PLPP4: variants seen among roughly 807,000 people sequenced by gnomAD.
PLPP4 encodes diacylglycerol pyrophosphate like 2.
A neutral mutation model predicts 32.2 loss-of-function variants in PLPP4; 20 were observed. That is an observed-to-expected ratio of 0.62 (90% CI 0.44 to 0.90). PLPP4 has a LOEUF of 0.90. Among genes scored for constraint, PLPP4 ranks in the 40% least tolerant of loss-of-function variants. The pLI is 0.00. For missense variants in PLPP4, 257 were observed against 353.1 expected (o/e 0.73, Z 2.18); for synonymous variants, 127 against 133.0 (o/e 0.95, Z 0.31).
intron 5 of PLPP4, among the ~76,000 whole-genome samples, chr10:120,533,307 A>G (rs184607266): frequency 3.6e-4 from 55 of 152,252 alleles, no homozygotes; most frequent in African/African-American, 1.1e-3. Flanking sequence ...GGCCGTTTGT[A>G]TATCTTATCT....
intron 5 of PLPP4, among the ~76,000 whole-genome samples, chr10:120,561,993 A>C (rs895936030): frequency 1.3e-5 from 2 of 152,166 alleles, no homozygotes; most frequent in Non-Finnish European, 2.9e-5. Context: ...GTTCCATGAA[A>C]ACCCTTACTA....
chr10:120,591,155 G>A lies in PLPP4; in HGVS notation c.*1653G>A, dbSNP rs1849979910. 6.6e-6 allele frequency among the ~76,000 whole-genome samples: 1 copy of A among 152,134 alleles called. No individual in the cohort carries two copies. The highest frequency in any genetic ancestry group is 1.5e-5 in the Non-Finnish European group (1 of 68,020). ...CCTAAATGGTCAGCTTATCAGCCCTGGGCTGCGTGTGCAAGTTAGAAGCAT... is the reference window on the plus strand; with the variant it reads ...CCTAAATGGTCAGCTTATCAGCCCTAGGCTGCGTGTGCAAGTTAGAAGCAT... On this transcript the variant is annotated 3_prime_UTR_variant, in exon 7 of 7. Coordinates refer to ENST00000398250, the MANE Select transcript of PLPP4 (RefSeq NM_001030059.3).
chr10:120,503,010 A>G lies in PLPP4; in HGVS notation c.57-808A>G, dbSNP rs2463151. Among the ~76,000 whole-genome samples the G allele has an allele frequency of 7.2e-5, 11 of 152,116 alleles. No homozygotes were observed. The East Asian group carries it at 1.4e-3, about 19-fold the overall frequency. ...CTCCATGCCATCCATTTCCTCCCCAATCTGCTAGTCTCTCTTGTAGGGACA... is the reference window on the plus strand; with the variant it reads ...CTCCATGCCATCCATTTCCTCCCCAGTCTGCTAGTCTCTCTTGTAGGGACA... On this transcript the variant is annotated intron_variant, in intron 1 of 6. Transcript: ENST00000398250.
chr10:120,501,292 A>AAATT (rs1845235792), intron 1 of PLPP4, among the ~76,000 whole-genome samples: 1 of 129,676 alleles, frequency 7.7e-6, no homozygotes, highest in Non-Finnish European at 1.6e-5. Context: ...CTTCAAGCAA[A>AAATT]ATTTATTTCA....
Position 120,457,282 on chromosome 10 carries a change from CGCGGGAGCTGCTCCGGCCGCACCAT to C in PLPP4, c.-13_12del. On this transcript the variant is annotated start_lost and 5_prime_UTR_variant, in exon 1 of 7. Transcript: ENST00000398250. ...AGCCGCGGAGAGCACCAGCTGACGC[CGCGGGAGCTGCTCCGGCCGCACCAT>C]GCGGGAGCTGGCCATTGAGATCGGG... 6.7e-7 allele frequency: 1 copy of C among 1,481,686 alleles called. No individual in the cohort carries two copies. The highest frequency in any genetic ancestry group is 9.0e-7 in the Non-Finnish European group (1 of 1,110,588). The allele number at this position is 1,481,686 out of a possible 1,614,324, so 91.8% of individuals were successfully genotyped here.
Position 120,589,599 on chromosome 10 carries a change from C to A in PLPP4, c.*97C>A, listed in dbSNP as rs976077792. On this transcript the variant is annotated 3_prime_UTR_variant, in exon 7 of 7. Transcript: ENST00000398250. Reference sequence around the variant, plus strand: ...TGGTTTTCTGTAGTGTATTTTTCATCAGTTGTTTCTCAAAGTCATCGTACT... The same window carrying A: ...TGGTTTTCTGTAGTGTATTTTTCATAAGTTGTTTCTCAAAGTCATCGTACT... 8.4e-6 allele frequency: 8 copies of A among 954,110 alleles called. No individual in the cohort carries two copies. The highest frequency in any genetic ancestry group is 1.6e-5 in the African/African-American group (1 of 61,048). The allele number at this position is 954,110 out of a possible 1,614,324, so 59.1% of individuals were successfully genotyped here.
chr10:120,499,961 C>T (rs1350642433), intron 1 of PLPP4, among the ~76,000 whole-genome samples: 2 of 152,210 alleles, frequency 1.3e-5, no homozygotes, highest in African/African-American at 2.4e-5. Context: ...GTGCCCACCT[C>T]TGTCCCTGTT....
intron 5 of PLPP4, among the ~76,000 whole-genome samples, chr10:120,566,355 C>T (rs373603230): frequency 9.2e-5 from 14 of 152,080 alleles, no homozygotes; most frequent in African/African-American, 3.4e-4. Flanking sequence ...CTAACTACCC[C>T]AGGACCACTC....
chr10:120,587,823 T>G (rs958415067), intron 6 of PLPP4, among the ~76,000 whole-genome samples: 2 of 152,200 alleles, frequency 1.3e-5, no homozygotes, highest in East Asian at 3.9e-4. Flanking sequence ...CTGAAGTCTT[T>G]ATATAGTGCG....
intron 1 of PLPP4, among the ~76,000 whole-genome samples, chr10:120,493,945 G>T (rs1844838544): frequency 6.6e-6 from 1 of 152,116 alleles, no homozygotes; most frequent in Non-Finnish European, 1.5e-5. Context: ...AGGGTGGGGT[G>T]GTCCCTGGTA....
intron 5 of PLPP4, among the ~76,000 whole-genome samples, chr10:120,527,545 A>G (rs1361102225): frequency 6.6e-6 from 1 of 152,226 alleles, no homozygotes; most frequent in African/African-American, 2.4e-5. Context: ...GTTTGACTGA[A>G]CAACTGGCCA....
In PLPP4 at chr10:120,589,801, T is replaced by C. The variant is rs1589947178; in HGVS notation, c.*299T>C. The C allele has an allele frequency of 2.9e-6, 1 of 342,642 alleles. No homozygotes were observed. Among genetic ancestry groups the C allele is most frequent in the East Asian group, 5.4e-5 (1 of 18,456 alleles). 21.2% of individuals were successfully genotyped at this position (342,642 alleles called of 1,614,324 possible). A position where few individuals can be genotyped will look rare whatever the true frequency, so the allele number is the denominator to read the frequency against. On this transcript the variant is annotated 3_prime_UTR_variant, in exon 7 of 7. Coordinates refer to ENST00000398250, the MANE Select transcript of PLPP4 (RefSeq NM_001030059.3). ...GAAATGTTTGCTGTAACAGCCACCTTCCTATGTTTTCATGGTTGTAAAACA... is the reference window on the plus strand; with the variant it reads ...GAAATGTTTGCTGTAACAGCCACCTCCCTATGTTTTCATGGTTGTAAAACA...
chr10:120,460,858 G>C (rs1422687504), intron 1 of PLPP4, among the ~76,000 whole-genome samples: 3 of 152,164 alleles, frequency 2.0e-5, no homozygotes, highest in Non-Finnish European at 1.5e-5. Flanking sequence ...AAGAAACCAA[G>C]GTTTAGAAAG....
intron 3 of PLPP4, among the ~76,000 whole-genome samples, chr10:120,518,311 A>G (rs955817935): frequency 2.0e-5 from 3 of 152,192 alleles, no homozygotes; most frequent in African/African-American, 7.2e-5. Flanking sequence ...GCACCTTGGC[A>G]GAAACAGTGA....
In PLPP4 at chr10:120,589,306, C is replaced by A. The variant is rs776642006; in HGVS notation, c.620C>A (p.Ser207Tyr). Reference protein sequence around the residue: ...MCDYKHHWQDSFVGGVIGLIF... With the variant: ...MCDYKHHWQDYFVGGVIGLIF... Reference sequence around the variant, plus strand: ...TGCTCTGCTGTTTCCTGCCTAGATTCCTTTGTGGGTGGAGTCATCGGCCTC... The same window carrying A: ...TGCTCTGCTGTTTCCTGCCTAGATTACTTTGTGGGTGGAGTCATCGGCCTC... Residue 207 changes from serine to tyrosine, a missense_variant, in exon 7 of 7, where the codon TCC becomes TAC. By Grantham distance (144) the Ser-to-Tyr change is moderately radical. Coordinates refer to ENST00000398250, the MANE Select transcript of PLPP4 (RefSeq NM_001030059.3). The A allele has an allele frequency of 6.2e-7, 1 of 1,614,108 alleles. No homozygotes were observed. The highest frequency in any genetic ancestry group is 1.7e-5 in the Admixed American group (1 of 60,020).
At chr10:120,582,201 C>T (rs1849542539) in intron 6 of PLPP4, among the ~76,000 whole-genome samples, 1 of 152,228 alleles carries the variant, frequency 6.6e-6, no homozygotes, top group Admixed American at 6.5e-5. Flanking sequence ...TCTCACCGTT[C>T]TGGAGGCTGG....
At chr10:120,523,523 C>T (rs1206327851) in intron 5 of PLPP4, among the ~76,000 whole-genome samples, 3 of 152,118 alleles carry the variant, frequency 2.0e-5, no homozygotes, top group South Asian at 4.1e-4. Context: ...GAGTCCCATG[C>T]TGGCATTGTT....
rs750153097 is a variant in PLPP4 at position 120,482,521 on chromosome 10, G to A, written c.57-21297G>A. 2.9e-4 allele frequency among the ~76,000 whole-genome samples: 44 copies of A among 152,192 alleles called. 1 individual carries two copies. The highest frequency in any genetic ancestry group is 5.6e-4 in the Non-Finnish European group (38 of 68,036). ...CTAAGCAGCAAAACATTCAAGAGGT[G>A]ACTTGGGTGCTGTTAAAGGCATTCA... On this transcript the variant is annotated intron_variant, in intron 1 of 6. Coordinates refer to ENST00000398250, the MANE Select transcript of PLPP4 (RefSeq NM_001030059.3).
chr10:120,510,796 A>G (rs1423069460), intron 2 of PLPP4, among the ~76,000 whole-genome samples: 2 of 152,196 alleles, frequency 1.3e-5, no homozygotes, highest in African/African-American at 2.4e-5. Context: ...TGAATGATAC[A>G]TGTAACTATG....
Sources: gnomAD v4.1 joint callset for allele counts (sites outside exome capture counted in the v4.1 genomes callset) on GRCh38, gnomAD v4.1.1 for gene constraint, MANE v1.5 for transcripts, NCBI Gene and HGNC (gene_info 2026-07-23, HGNC 2026-07-21) for gene names.